CNOT2: variants seen among roughly 807,000 people sequenced by gnomAD.
CNOT2 encodes the protein CCR4-NOT transcription complex subunit 2, also known as CC chemokine receptor 4-negative regulator of transcription 2.
A neutral mutation model predicts 72.1 loss-of-function variants in CNOT2; 7 were observed. That is an observed-to-expected ratio of 0.10 (90% CI 0.06 to 0.18). CNOT2 has a LOEUF of 0.18. Among genes scored for constraint, CNOT2 ranks in the 10% least tolerant of loss-of-function variants. The pLI, the probability that CNOT2 is intolerant of heterozygous loss-of-function variation, is 1.00. For missense variants in CNOT2, 345 were observed against 660.3 expected, an observed-to-expected ratio of 0.52 and a Z score of 5.23; for synonymous variants, 196 against 225.6, an observed-to-expected ratio of 0.87 and a Z score of 1.17.
intron 13 of CNOT2, among the ~76,000 whole-genome samples, chr12:70,343,086 G>A (rs1881714145): frequency 6.6e-6 from 1 of 152,098 alleles, no homozygotes; most frequent in African/African-American, 2.4e-5. Context: ...AATACAAGAT[G>A]GAGAGGTCTC....
At chr12:70,259,059 G>A (rs1344024213) in intron 1 of CNOT2, among the ~76,000 whole-genome samples, 1 of 152,154 alleles carries the variant, frequency 6.6e-6, no homozygotes, top group Non-Finnish European at 1.5e-5. Context: ...TGTTACACGA[G>A]GTTAGCTGAA....
chr12:70,262,818 C>T (rs963445762), intron 1 of CNOT2, among the ~76,000 whole-genome samples: 1 of 152,032 alleles, frequency 6.6e-6, no homozygotes, highest in Non-Finnish European at 1.5e-5. Flanking sequence ...GGATTACAGG[C>T]GCCTGCCACC....
intron 2 of CNOT2, chr12:70,307,783 A>G (rs758106576): frequency 3.9e-5 from 6 of 152,030 alleles, no homozygotes; most frequent in African/African-American, 7.2e-5. Flanking sequence ...CCTTTATTCA[A>G]CTACTACTCA....
chr12:70,305,879 T>TG lies in CNOT2; in HGVS notation c.49-5016_49-5015insG, dbSNP rs548234695. Among the ~76,000 whole-genome samples the TG allele has an allele frequency of 8.9e-4, 131 of 147,446 alleles. 3 individuals are homozygous for TG. In the South Asian group the frequency reaches 0.021, roughly 24 times the overall value. ...GTTATTTTATCTGAAGTTTGTTTTTTTTTTTTTTTTTTTTTGGTAAATTTC... is the reference window on the plus strand; with the variant it reads ...GTTATTTTATCTGAAGTTTGTTTTTTGTTTTTTTTTTTTTTTGGTAAATTTC... On this transcript the variant is annotated intron_variant, in intron 2 of 15. Transcript: ENST00000229195.
chr12:70,316,142 G>C (rs1198923121), intron 3 of CNOT2, among the ~76,000 whole-genome samples: 1 of 152,040 alleles, frequency 6.6e-6, no homozygotes, highest in Non-Finnish European at 1.5e-5. Flanking sequence ...TAGGTAAGTG[G>C]CAGAACCAGG....
intron 2 of CNOT2, among the ~76,000 whole-genome samples, chr12:70,299,528 C>T (rs547572561): frequency 5.3e-5 from 8 of 152,206 alleles, no homozygotes; most frequent in African/African-American, 1.9e-4. Context: ...CCAGCTTCAT[C>T]CACGTCCCTA....
chr12:70,348,705 A>C (rs1882508626), intron 15 of CNOT2, among the ~76,000 whole-genome samples: 1 of 152,140 alleles, frequency 6.6e-6, no homozygotes, highest in South Asian at 2.1e-4. Flanking sequence ...TTCCAGAATT[A>C]AGTTCTCCTC....
At chr12:70,284,817 A>G (rs1401351931) in intron 2 of CNOT2, among the ~76,000 whole-genome samples, 2 of 152,168 alleles carry the variant, frequency 1.3e-5, no homozygotes, top group Non-Finnish European at 2.9e-5. Context: ...TCACCAAGAC[A>G]CCTGGTTTAT....
intron 1 of CNOT2, chr12:70,244,338 A>C (rs1266197763): frequency 6.6e-6 from 1 of 152,094 alleles, no homozygotes; most frequent in Non-Finnish European, 1.5e-5. Flanking sequence ...TCTCGCTTAA[A>C]AGTTTAACAG....
At chr12:70,290,042 T>A (rs7975012) in intron 2 of CNOT2, among the ~76,000 whole-genome samples, 1 of 152,040 alleles carries the variant, frequency 6.6e-6, no homozygotes, top group Admixed American at 6.5e-5. Flanking sequence ...CTTTTTTTTC[T>A]TTTTTTTAGG....
At chr12:70,303,597 G>A (rs974422083) in intron 2 of CNOT2, among the ~76,000 whole-genome samples, 12 of 152,174 alleles carry the variant, frequency 7.9e-5, no homozygotes, top group Non-Finnish European at 1.3e-4. Flanking sequence ...CTTTTAGTCC[G>A]ATGGGCTTCC....
At chr12:70,342,022 C>A in intron 11 of CNOT2, 85 bp from the exon 12 acceptor site, 1 of 858,072 alleles carries the variant, frequency 1.2e-6, no homozygotes, top group Non-Finnish European at 2.0e-6. Flanking sequence ...GGTCATTTTA[C>A]AGTTGGAGTC....
chr12:70,326,572 C>T (rs1475347131), intron 4 of CNOT2, among the ~76,000 whole-genome samples: 1 of 151,396 alleles, frequency 6.6e-6, no homozygotes, highest in Non-Finnish European at 1.5e-5. Flanking sequence ...CCCCTTGACC[C>T]TATTCAGTTG....
chr12:70,332,663 A>G lies in CNOT2; in HGVS notation c.570-104A>G, dbSNP rs1219051145. 3.0e-6 allele frequency: 4 copies of G among 1,351,182 alleles called. No homozygotes were observed. The African/African-American group carries it at 6.0e-5, about 20-fold the overall frequency. The allele number at this position is 1,351,182 out of a possible 1,614,324, so 83.7% of individuals were successfully genotyped here. A position where few individuals can be genotyped will look rare whatever the true frequency, so the allele number is the denominator to read the frequency against. On this transcript the variant is annotated intron_variant, in intron 6 of 15. Coordinates refer to ENST00000229195, the MANE Select transcript of CNOT2 (RefSeq NM_014515.7). ...ATAATATTAGTGTTGGTTTTGAAAC[A>G]TATTGTTATTTTATATGGAGACCAA...
At chr12:70,309,583 A>G (rs1289513803) in intron 2 of CNOT2, among the ~76,000 whole-genome samples, 1 of 152,124 alleles carries the variant, frequency 6.6e-6, no homozygotes, top group African/African-American at 2.4e-5. Context: ...GAGACATGGA[A>G]ATTGTTCACT....
intron 5 of CNOT2, 62 bp downstream of exon 5, chr12:70,329,632 A>G: frequency 7.3e-6 from 9 of 1,232,002 alleles, no homozygotes; most frequent in Non-Finnish European, 1.1e-5. Flanking sequence ...ACAAACTTTT[A>G]GTTTTTTAAT....
intron 4 of CNOT2, chr12:70,321,839 A>G (rs1458443830): frequency 6.6e-6 from 1 of 150,968 alleles, no homozygotes; most frequent in East Asian, 1.9e-4. Context: ...GCTTAAACTT[A>G]GATTTGGCTA....
At chr12:70,316,756 G>A (rs12305684) in intron 3 of CNOT2, among the ~76,000 whole-genome samples, 2,030 of 152,048 alleles carry the variant, frequency 0.013, 45 homozygotes, top group African/African-American at 0.046. Flanking sequence ...CAAGTAATTG[G>A]CCTAGGGACC....
At chr12:70,341,950 A>G in intron 11 of CNOT2, 157 bp from the exon 12 acceptor site, 1 of 642,414 alleles carries the variant, frequency 1.6e-6, no homozygotes, top group Non-Finnish European at 2.8e-6. Flanking sequence ...ACAAACACAC[A>G]CAGTCTTCAT....
Sources: allele counts gnomAD v4.1 joint callset (sites outside exome capture counted in the v4.1 genomes callset), GRCh38; gene constraint gnomAD v4.1.1; transcripts MANE v1.5; gene names NCBI Gene and HGNC (gene_info 2026-07-23, HGNC 2026-07-21).